The following DENND1C variants were observed in gnomAD, a reference collection of about 807,000 sequenced individuals.
DENND1C encodes the protein DENN domain-containing protein 1C.
DENND1C carries 64 observed loss-of-function variants against 87.9 expected under a neutral mutation model. That is an observed-to-expected ratio of 0.73 (90% CI 0.60 to 0.90). The LOEUF is 0.90. Among genes scored for constraint, DENND1C ranks in the 40% least tolerant of loss-of-function variants. The pLI, the probability that DENND1C is intolerant of heterozygous loss-of-function variation, is 0.00. For missense variants in DENND1C, 980 were observed against 1,037.0 expected, an observed-to-expected ratio of 0.95 and a Z score of 0.76; for synonymous variants, 384 against 424.4, an observed-to-expected ratio of 0.90 and a Z score of 1.17.
rs781434952 is a variant in DENND1C at position 6,475,668 on chromosome 19, C to T, written c.825+38G>A. ...TCTGGGGATGTAGAGGAAGGGGGAA[C>T]CCTCACGTCCCCGTCGTCTGGGTAG... On this transcript the variant is annotated intron_variant, in intron 12 of 22. Coordinates refer to ENST00000381480, the MANE Select transcript of DENND1C (RefSeq NM_024898.4). The T allele has an allele frequency of 4.3e-6, 7 of 1,609,286 alleles. No individual in the cohort carries two copies. In the South Asian group the frequency reaches 7.7e-5, roughly 18 times the overall value.
Position 6,479,563 on chromosome 19 carries a change from C to T in DENND1C, c.176+106G>A, listed in dbSNP as rs898924933. ...GTCTGAGTCTCTGAGTCTCAGGGTC[C>T]TCGAGTGTATGGGTTTCCAGATGTC... On this transcript the variant is annotated intron_variant, in intron 4 of 22. Transcript: ENST00000381480. 6 of 1,441,488 alleles carry T rather than the reference C, an allele frequency of 4.2e-6. No homozygotes were observed. In the Admixed American group the frequency reaches 1.0e-4, roughly 25 times the overall value. The allele number at this position is 1,441,488 out of a possible 1,614,324, so 89.3% of individuals were successfully genotyped here. A position where few individuals can be genotyped will look rare whatever the true frequency, so the allele number is the denominator to read the frequency against.
chr19:6,477,748 T>G (rs1213159694), intron 6 of DENND1C, among the ~76,000 whole-genome samples: 1 of 146,584 alleles, frequency 6.8e-6, no homozygotes, highest in African/African-American at 2.5e-5. Context: ...CGCGCCCGGC[T>G]TTTTAAATTT....
At chr19:6,480,297 G>A in intron 1 of DENND1C, 1 of 1,409,574 alleles carries the variant, frequency 7.1e-7, no homozygotes, top group Non-Finnish European at 9.2e-7. Flanking sequence ...GTGTATGATT[G>A]TGTGTGGCTG....
intron 14 of DENND1C, among the ~76,000 whole-genome samples, chr19:6,473,998 C>G (rs144154025): frequency 0.039 from 5,945 of 151,990 alleles, 387 homozygotes; most frequent in African/African-American, 0.14. Context: ...AGTTTGAGAC[C>G]AGCCTGGCTA....
intron 14 of DENND1C, among the ~76,000 whole-genome samples, chr19:6,473,718 C>A (rs1202207720): frequency 6.7e-6 from 1 of 150,300 alleles, no homozygotes; most frequent in Non-Finnish European, 1.5e-5. Flanking sequence ...AATCCACACA[C>A]CTTGGCCTCT....
Position 6,475,696 on chromosome 19 carries a change from C to T in DENND1C, c.825+10G>A. On this transcript the variant is annotated intron_variant, in intron 12 of 22. Coordinates refer to ENST00000381480, the MANE Select transcript of DENND1C (RefSeq NM_024898.4). ...TCACGTCCCCGTCGTCTGGGTAGATCCACGCTCACCTCGGCGAGACTGGCG... is the reference window on the plus strand; with the variant it reads ...TCACGTCCCCGTCGTCTGGGTAGATTCACGCTCACCTCGGCGAGACTGGCG... 6.3e-7 allele frequency: 1 copy of T among 1,599,694 alleles called. No homozygotes were observed. Among genetic ancestry groups the T allele is most frequent in the Non-Finnish European group, 8.5e-7 (1 of 1,172,722 alleles).
Position 6,468,652 on chromosome 19 carries a change from A to AGGGT in DENND1C, c.1516-11_1516-8dup. On this transcript the variant is annotated splice_region_variant and splice_polypyrimidine_tract_variant and intron_variant, in intron 20 of 22. Transcript: ENST00000381480. Reference sequence around the variant, plus strand: ...TGGGGCGAAGGGGCCGGTTCTGCAAAGGGTGGGGGCGATAGGACCTCAGGA... The same window carrying AGGGT: ...TGGGGCGAAGGGGCCGGTTCTGCAAAGGGTGGGTGGGGGCGATAGGACCTCAGGA... The AGGGT allele has an allele frequency of 6.8e-7, 1 of 1,475,372 alleles. No individual in the cohort carries two copies. The highest frequency in any genetic ancestry group is 1.4e-5 in the African/African-American group (1 of 70,606). The allele number at this position is 1,475,372 out of a possible 1,614,324, so 91.4% of individuals were successfully genotyped here. A position where few individuals can be genotyped will look rare whatever the true frequency, so the allele number is the denominator to read the frequency against.
chr19:6,472,194 C>T (rs908613913), intron 15 of DENND1C, among the ~76,000 whole-genome samples: 1 of 129,118 alleles, frequency 7.7e-6, no homozygotes, highest in Non-Finnish European at 1.6e-5. Context: ...CCACCCATAT[C>T]CCTAGGACTC....
intron 17 of DENND1C, 128 bp downstream of exon 17, chr19:6,471,137 G>C (rs1025883626): frequency 3.8e-6 from 5 of 1,308,926 alleles, no homozygotes; most frequent in Admixed American, 4.2e-5. Context: ...GTAGAGATGG[G>C]GTTTCGTCAC....
At position 6,467,812 on chromosome 19, in the gene DENND1C, T is replaced by C. The variant is rs747484558; in HGVS notation, c.2098A>G (p.Thr700Ala). ...GTGGGTGCAGTGGAGAGCCAGGGAGTGGGGTTTTCCTGGGCTGTAGAATCT... is the reference window on the plus strand; with the variant it reads ...GTGGGTGCAGTGGAGAGCCAGGGAGCGGGGTTTTCCTGGGCTGTAGAATCT... ...AEDSTAQENP[T>A]PWLSTAPTEP... The change falls in exon 23 of 23, where the codon ACT becomes GCT. Residue 700 changes from threonine to alanine, a missense_variant. Coordinates refer to ENST00000381480, the MANE Select transcript of DENND1C (RefSeq NM_024898.4). The C allele has an allele frequency of 2.1e-5, 32 of 1,538,724 alleles. No homozygotes were observed. The African/African-American group carries it at 3.2e-4, about 15-fold the overall frequency.
At chr19:6,473,849 G>A (rs1309189967) in intron 14 of DENND1C, among the ~76,000 whole-genome samples, 2 of 151,962 alleles carry the variant, frequency 1.3e-5, no homozygotes, top group Admixed American at 1.3e-4. Context: ...GTGTTCACAG[G>A]TGACCTCTGG....
chr19:6,471,514 A>C lies in DENND1C; in HGVS notation c.1159-18T>G, dbSNP rs1428664781. On this transcript the variant is annotated intron_variant, in intron 15 of 22. Coordinates refer to ENST00000381480, the MANE Select transcript of DENND1C (RefSeq NM_024898.4). ...TCGATGAACTGGGGTGGGGGACAGT[A>C]AATCAGAAACAGCAGGAGACACATC... 2 of 1,530,138 alleles carry C rather than the reference A, an allele frequency of 1.3e-6. No homozygotes were observed. The highest frequency in any genetic ancestry group is 2.8e-5 in the African/African-American group (2 of 72,510). 94.8% of individuals were successfully genotyped at this position (1,530,138 alleles called of 1,614,324 possible).
In DENND1C at chr19:6,477,388, C is replaced by T. The variant is rs768758562; in HGVS notation, c.437G>A (p.Gly146Glu). 5.6e-6 allele frequency: 9 copies of T among 1,613,402 alleles called. No homozygotes were observed. In the East Asian group the frequency reaches 1.8e-4, roughly 32 times the overall value. The change falls in exon 7 of 23, where the codon GGG (glycine) becomes GAG (glutamate). Residue 146 changes from glycine (G) to glutamate (E), a missense_variant. Physicochemically the swap from Gly to Glu is moderately conservative, Grantham distance 98 (BLOSUM62 -2). Coordinates refer to ENST00000381480, the MANE Select transcript of DENND1C (RefSeq NM_024898.4). ...QSLSGPQASVGLELGSGVTVS... is the reference protein window; with the variant it reads ...QSLSGPQASVELELGSGVTVS... ...ATGGGAGCTACTCACCAGCTCAAGC[C>T]CCACTGAGGCCTGGGGCCCAGACAG...
chr19:6,479,913 G>A lies in DENND1C; in HGVS notation c.83-11C>T. The A allele has an allele frequency of 1.9e-6, 3 of 1,600,220 alleles. No individual in the cohort carries two copies. The highest frequency in any genetic ancestry group is 2.6e-6 in the Non-Finnish European group (3 of 1,173,714). ...GCAGGATGGGGGGATCTGTAGAAGAGAGCACGCCTCTAAGTTCAGCGACCC... is the reference window on the plus strand; with the variant it reads ...GCAGGATGGGGGGATCTGTAGAAGAAAGCACGCCTCTAAGTTCAGCGACCC... On this transcript the variant is annotated splice_polypyrimidine_tract_variant and intron_variant, in intron 2 of 22. Coordinates refer to ENST00000381480, the MANE Select transcript of DENND1C (RefSeq NM_024898.4).
At chr19:6,469,756 C>G (rs970255104) in intron 18 of DENND1C, 116 bp from the exon 19 acceptor site, 2 of 1,027,250 alleles carry the variant, frequency 1.9e-6, no homozygotes, top group African/African-American at 1.6e-5. Context: ...GTCTCAAATA[C>G]GTTCACCACC....
At position 6,476,931 on chromosome 19, in the gene DENND1C, C is replaced by A; in HGVS notation, c.604G>T (p.Glu202Ter). The change falls in exon 10 of 23, where the codon GAG becomes TAG. Residue 202 changes from glutamate (E) to a stop codon, truncating the protein, a stop_gained. Coordinates refer to ENST00000381480, the MANE Select transcript of DENND1C (RefSeq NM_024898.4). LOFTEE classifies it high-confidence loss of function. Reference protein sequence around the residue: ...LTELVVAVTDENIVGLFAALL... With the variant: ...LTELVVAVTD ...GCCGCGAACAGCCCCACGATGTTCT[C>A]GTCAGTCACGGCCACCACCAGCTCC... 2 of 1,613,570 alleles carry A rather than the reference C, an allele frequency of 1.2e-6. No homozygotes were observed. Among genetic ancestry groups the A allele is most frequent in the Non-Finnish European group, 8.5e-7 (1 of 1,179,792 alleles).
chr19:6,469,716 T>G (rs926754670), intron 18 of DENND1C, 76 bp from the exon 19 acceptor site: 1 of 1,498,026 alleles, frequency 6.7e-7, no homozygotes, highest in African/African-American at 1.4e-5. Context: ...TTCTGTCCCC[T>G]AAGATAGCTT....
intron 14 of DENND1C, among the ~76,000 whole-genome samples, chr19:6,474,930 A>G (rs1354487422): frequency 6.6e-6 from 1 of 152,034 alleles, no homozygotes; most frequent in Admixed American, 6.6e-5. Flanking sequence ...TTAGCTGGGC[A>G]TGGTGGTGCG....
chr19:6,475,679 C>G (rs753570810), intron 12 of DENND1C, 27 bp downstream of exon 12: 2 of 1,606,858 alleles, frequency 1.2e-6, no homozygotes, highest in Non-Finnish European at 1.7e-6. Flanking sequence ...CCTCACGTCC[C>G]CGTCGTCTGG....
Sources: gnomAD v4.1 joint callset for allele counts (sites outside exome capture counted in the v4.1 genomes callset) on GRCh38, gnomAD v4.1.1 for gene constraint, MANE v1.5 for transcripts, NCBI Gene and HGNC (gene_info 2026-07-23, HGNC 2026-07-21) for gene names.